Variants in DMBT1 observed in about 807,000 individuals in gnomAD.
DMBT1 encodes deleted in malignant brain tumors 1.
DMBT1 carries 198 observed loss-of-function variants against 252.9 expected under a neutral mutation model. That is an observed-to-expected ratio of 0.78 (90% CI 0.70 to 0.88). The LOEUF (loss-of-function observed/expected upper bound fraction) is 0.88, where lower values mean the gene tolerates loss of function less well. Among genes scored for constraint, DMBT1 ranks in the 40% least tolerant of loss-of-function variants. The pLI is 0.00. For missense variants in DMBT1, 2,432 were observed against 2,404.7 expected (o/e 1.01, Z -0.24); for synonymous variants, 990 against 942.7 (o/e 1.05, Z -0.92).
chr10:122,592,443 C>A lies in DMBT1; in HGVS notation c.2348C>A (p.Pro783Gln). 6.3e-7 allele frequency: 1 copy of A among 1,588,252 alleles called. No homozygotes were observed. The highest frequency in any genetic ancestry group is 8.6e-7 in the Non-Finnish European group (1 of 1,165,732). The change falls in exon 20 of 56, where the codon CCA becomes CAA. Residue 783 changes from proline (P) to glutamine (Q), a missense_variant. Transcript: ENST00000338354. ...QLGCGWATSA[P>Q]GNARFGQGSG... The stretch of plus-strand genomic sequence containing the variant: ...GGCTGTGGCTGGGCCACGTCGGCCC[C>A]AGGAAATGCCCGGTTTGGCCAGGGC...
At chr10:122,600,148 C>G (rs2097930725) in intron 27 of DMBT1, 55 bp downstream of exon 27, 1 of 1,582,290 alleles carries the variant, frequency 6.3e-7, no homozygotes, top group Non-Finnish European at 8.6e-7. Context: ...CCCAATCACC[C>G]CTTCCACACT....
At chr10:122,569,295 T>C (rs1051468263) in intron 2 of DMBT1, among the ~76,000 whole-genome samples, 9 of 152,202 alleles carry the variant, frequency 5.9e-5, no homozygotes, top group Non-Finnish European at 1.2e-4. Context: ...CTGCTGGTCC[T>C]TAAAACATAA....
In DMBT1 at chr10:122,618,023, A is replaced by G. The variant is rs185145281; in HGVS notation, c.4898A>G (p.Glu1633Gly). The G allele has an allele frequency of 2.5e-6, 4 of 1,612,800 alleles. No individual in the cohort carries two copies. The highest frequency in any genetic ancestry group is 2.2e-5 in the East Asian group (1 of 44,830). The change falls in exon 41 of 56, where the codon GAA becomes GGA. Residue 1633 changes from glutamate (E) to glycine (G), a missense_variant. Glu to Gly is a moderately conservative substitution (Grantham distance 98, BLOSUM62 -2). Transcript: ENST00000338354. ...PTSRASTAGSESTLALRLVNG... is the reference protein window; with the variant it reads ...PTSRASTAGSGSTLALRLVNG... ...TTCTTGTGTTCCCCTGTAGGATCTG[A>G]ATCCACTTTGGCCCTGAGACTGGTG...
chr10:122,632,004 T>G (rs2133675545), intron 50 of DMBT1, 129 bp downstream of exon 50: 1 of 1,079,872 alleles, frequency 9.3e-7, no homozygotes, highest in Non-Finnish European at 1.4e-6. Flanking sequence ...CTACAGCCCC[T>G]GTCCCCTCCC....
Position 122,572,794 on chromosome 10 carries a change from G to T in DMBT1, c.235+433G>T, listed in dbSNP as rs116991525. ...TACCAAATATATATCTTCCTAAGTG[G>T]CAGTTTCTCCCTTTTTAAAATTTGA... is the stretch of plus-strand genomic sequence containing the variant. On this transcript the variant is annotated intron_variant, in intron 5 of 55. Transcript: ENST00000338354. Among the ~76,000 whole-genome samples, 945 of 152,256 alleles carry T rather than the reference G, an allele frequency of 6.2e-3. 3 individuals are homozygous for T. The highest frequency in any genetic ancestry group is 0.015 in the Admixed American group (229 of 15,298).
At chr10:122,580,705 G>T (rs564374459) in intron 10 of DMBT1, among the ~76,000 whole-genome samples, 161 bp from the exon 11 acceptor site, 3 of 152,042 alleles carry the variant, frequency 2.0e-5, no homozygotes, top group Non-Finnish European at 4.4e-5. Flanking sequence ...CCCCTTACAC[G>T]GTGCATCTCT....
In DMBT1 at chr10:122,643,160, C is replaced by G; in HGVS notation, c.7391C>G (p.Pro2464Arg). 2 of 1,613,960 alleles carry G rather than the reference C, an allele frequency of 1.2e-6. No individual in the cohort carries two copies. Among genetic ancestry groups the G allele is most frequent in the Non-Finnish European group, 1.7e-6 (2 of 1,179,880 alleles). The change falls in exon 56 of 56, where the codon CCA becomes CGA. Residue 2464 changes from proline to arginine, a missense_variant. By Grantham distance (103) the Pro-to-Arg change is moderately radical. This residue lies in a region of DMBT1 where 1,162 missense variants were observed against 1,169.0 expected (regional missense o/e 0.99). Coordinates refer to ENST00000338354, the MANE Select transcript of DMBT1 (RefSeq NM_001377530.1). Reference protein sequence around the residue: ...RDDTYGPYSSPSLRIARFRFR... With the variant: ...RDDTYGPYSSRSLRIARFRFR... ...GACACCTACGGACCCTACTCCTCGC[C>G]ATCTCTTCGCATTGCCCGCTTCCGG...
chr10:122,625,676 A>G (rs2098113662), intron 45 of DMBT1, among the ~76,000 whole-genome samples: 1 of 152,238 alleles, frequency 6.6e-6, no homozygotes, highest in Non-Finnish European at 1.5e-5. Flanking sequence ...GTATTTGTCA[A>G]ATAAAGAATA....
At chr10:122,619,397 C>T in intron 42 of DMBT1, 60 bp downstream of exon 42, 1 of 1,605,434 alleles carries the variant, frequency 6.2e-7, no homozygotes. Context: ...TTACCTCTTC[C>T]CCACTCCACA....
At chr10:122,641,037 C>T (rs1215217667) in intron 55 of DMBT1, among the ~76,000 whole-genome samples, 1 of 152,142 alleles carries the variant, frequency 6.6e-6, no homozygotes, top group African/African-American at 2.4e-5. Context: ...AGCAGGTGGT[C>T]CACCAGGAAT....
intron 5 of DMBT1, 99 bp downstream of exon 5, chr10:122,572,460 T>C: frequency 8.5e-6 from 13 of 1,521,956 alleles, no homozygotes; most frequent in East Asian, 2.3e-5. Context: ...TAGAAAGTAG[T>C]GTGCTGGCGT....
chr10:122,631,358 G>A (rs578245751), intron 49 of DMBT1, 77 bp downstream of exon 49: 2 of 1,543,578 alleles, frequency 1.3e-6, no homozygotes, highest in Admixed American at 1.7e-5. Flanking sequence ...AGTGGCTGAT[G>A]GTGTCTGTGG....
intron 43 of DMBT1, 29 bp downstream of exon 43, chr10:122,620,320 G>C: frequency 6.2e-7 from 1 of 1,612,748 alleles, no homozygotes; most frequent in Non-Finnish European, 8.5e-7. Flanking sequence ...CCTCCCTAGG[G>C]CTCACTCTCT....
In DMBT1 at chr10:122,640,113, C is replaced by A; in HGVS notation, c.7016C>A (p.Thr2339Lys). ...TCAGGTGGCATCATCAAGAGGAGGA[C>A]AGACCTCCGTATTCACGTCAGCTGC... is the stretch of plus-strand genomic sequence containing the variant. ...AVSGGIIKRR[T>K]DLRIHVSCRM... Residue 2339 changes from threonine (T) to lysine (K), a missense_variant, in exon 55 of 56, where the codon ACA (threonine) becomes AAA (lysine). By Grantham distance (78) the Thr-to-Lys change is moderately conservative. Coordinates refer to ENST00000338354, the MANE Select transcript of DMBT1 (RefSeq NM_001377530.1). The A allele has an allele frequency of 6.2e-7, 1 of 1,614,074 alleles. No individual in the cohort carries two copies. Among genetic ancestry groups the A allele is most frequent in the Non-Finnish European group, 8.5e-7 (1 of 1,179,912 alleles).
At chr10:122,634,426 TC>T (rs2098200741) in intron 52 of DMBT1, among the ~76,000 whole-genome samples, 1 of 74,816 alleles carries the variant, frequency 1.3e-5, no homozygotes, top group Non-Finnish European at 2.3e-5. Flanking sequence ...TCTCTCTCTC[TC>T]TCTTCTCTCT....
chr10:122,592,228 C>G (rs1197453282), intron 19 of DMBT1, 44 bp from the exon 20 acceptor site: 1 of 1,579,204 alleles, frequency 6.3e-7, no homozygotes, highest in Non-Finnish European at 8.6e-7. Context: ...TAGATCCTTA[C>G]CTCATGGTAG....
intron 1 of DMBT1, among the ~76,000 whole-genome samples, chr10:122,564,276 G>A (rs1480254846): frequency 1.3e-5 from 2 of 152,180 alleles, no homozygotes; most frequent in Non-Finnish European, 2.9e-5. Flanking sequence ...TCTCTGAACT[G>A]TGACTGTCAC....
rs768261055 is a variant in DMBT1 at position 122,585,274 on chromosome 10, C to T, written c.1424C>T (p.Thr475Met). The part of the protein sequence containing the change: ...AHSWSTPSPD[T>M]LPTITLPAST... ...TTTGTCTCTGTTGCAATTACAGACA[C>T]GTTGCCGACCATCACCTTACCTGCA... The change falls in exon 15 of 56, where the codon ACG (threonine) becomes ATG (methionine). Residue 475 changes from threonine (T) to methionine (M), a missense_variant. Physicochemically the swap from Thr to Met is moderately conservative, Grantham distance 81. Transcript: ENST00000338354. 23 of 1,586,576 alleles carry T rather than the reference C, an allele frequency of 1.4e-5. 1 individual carries two copies. The highest frequency in any genetic ancestry group is 1.2e-4 in the African/African-American group (9 of 74,466).
chr10:122,584,856 C>A (rs1470271565), intron 14 of DMBT1, among the ~76,000 whole-genome samples: 2 of 149,214 alleles, frequency 1.3e-5, no homozygotes, highest in African/African-American at 4.9e-5. Flanking sequence ...CATGCTCGGG[C>A]AGGGAGAGGG....
Sources: gnomAD v4.1 joint callset for allele counts (sites outside exome capture counted in the v4.1 genomes callset) on GRCh38, gnomAD v4.1.1 for gene constraint, gnomAD v4.1.1 regional missense constraint, MANE v1.5 for transcripts, NCBI Gene and HGNC (gene_info 2026-07-23, HGNC 2026-07-21) for gene names.